PIK3R3: variants seen among roughly 807,000 people sequenced by gnomAD.
PIK3R3 encodes phosphoinositide-3-kinase regulatory subunit 3.
PIK3R3 carries 64 observed loss-of-function variants against 62.9 expected under a neutral mutation model. The ratio of observed to expected loss-of-function variants is 1.02; its 90% confidence interval spans 0.83 to 1.25. The LOEUF is 1.25. PIK3R3 is among the 50% of genes most tolerant of loss of function. The pLI, the probability that PIK3R3 is intolerant of heterozygous loss-of-function variation, is 0.00. For missense variants in PIK3R3, 614 were observed against 561.6 expected (o/e 1.09, Z -0.94); for synonymous variants, 165 against 189.0 (o/e 0.87, Z 1.04).
At chr1:46,127,153 G>A (rs1655162654) in intron 1 of PIK3R3, among the ~76,000 whole-genome samples, 1 of 151,810 alleles carries the variant, frequency 6.6e-6, no homozygotes, top group African/African-American at 2.4e-5. Context: ...TAGGCAACAT[G>A]GCAAAACCCT....
chr1:46,099,329 A>G (rs1652440493), intron 1 of PIK3R3, among the ~76,000 whole-genome samples: 1 of 152,216 alleles, frequency 6.6e-6, no homozygotes, highest in Non-Finnish European at 1.5e-5. Context: ...ACAATTTTTT[A>G]TATGACAGAA....
At position 46,046,562 on chromosome 1, in the gene PIK3R3, C is replaced by T; in HGVS notation, c.1005G>A (p.Glu335=). The change falls in exon 8 of 10, where the codon GAG becomes GAA. Residue 335 remains glutamate, a synonymous_variant. Coordinates refer to ENST00000262741, the MANE Select transcript of PIK3R3 (RefSeq NM_003629.4). ...RLNVWLGIKN[E]DADENYFINE... ...TAGAGAGAACTTACTCATCAGCATCCTCATTCTTAATTCCCAGCCAGACAT... is the reference window on the plus strand; with the variant it reads ...TAGAGAGAACTTACTCATCAGCATCTTCATTCTTAATTCCCAGCCAGACAT... The T allele has an allele frequency of 1.2e-6, 2 of 1,610,698 alleles. No individual in the cohort carries two copies. Among genetic ancestry groups the T allele is most frequent in the Non-Finnish European group, 1.7e-6 (2 of 1,176,880 alleles).
At chr1:46,101,524 A>G (rs557802916) in intron 1 of PIK3R3, among the ~76,000 whole-genome samples, 1 of 152,126 alleles carries the variant, frequency 6.6e-6, no homozygotes, top group African/African-American at 2.4e-5. Context: ...ACAAACAACA[A>G]CACAAAAAAA....
At chr1:46,072,724 A>G (rs1211783709) in intron 3 of PIK3R3, among the ~76,000 whole-genome samples, 1 of 152,050 alleles carries the variant, frequency 6.6e-6, no homozygotes, top group Non-Finnish European at 1.5e-5. Context: ...CCAAGGTGGG[A>G]GGATCACTTG....
rs190387287 is a variant in PIK3R3, at chr1:46,050,463, G to A, written c.942-3838C>T. ...GCCTATAATCCCAGCTACTCAGGAG[G>A]CTGAGGCAAGAGAATTGCTTGAACC... is the stretch of plus-strand genomic sequence containing the variant. On this transcript the variant is annotated intron_variant, in intron 7 of 9. Coordinates refer to ENST00000262741, the MANE Select transcript of PIK3R3 (RefSeq NM_003629.4). 1.4e-4 allele frequency among the ~76,000 whole-genome samples: 22 copies of A among 152,016 alleles called. No individual in the cohort carries two copies. The East Asian group carries it at 4.3e-3, about 30-fold the overall frequency.
chr1:46,144,780 A>C, the PIK3R3 span, among the ~76,000 whole-genome samples: 1 of 151,568 alleles, frequency 6.6e-6, no homozygotes, highest in East Asian at 1.9e-4. Context: ...AAAAAAAAAA[A>C]AACGACTCAA....
chr1:46,090,377 G>A (rs959786407), intron 1 of PIK3R3, among the ~76,000 whole-genome samples: 12 of 151,894 alleles, frequency 7.9e-5, no homozygotes, highest in Non-Finnish European at 1.5e-5. Flanking sequence ...TATTGCTCAG[G>A]ATGGAGTGCG....
intron 1 of PIK3R3, among the ~76,000 whole-genome samples, chr1:46,107,007 C>T (rs184273454): frequency 6.6e-6 from 1 of 152,052 alleles, no homozygotes; most frequent in Non-Finnish European, 1.5e-5. Context: ...ATGATCCACC[C>T]GCCTCAGCCT....
chr1:46,058,542 C>T (rs368091828), intron 6 of PIK3R3, among the ~76,000 whole-genome samples: 3 of 152,242 alleles, frequency 2.0e-5, no homozygotes, highest in Non-Finnish European at 2.9e-5. Context: ...TGCCCCAGAC[C>T]ATGGGAACCC....
At chr1:46,136,070 CT>C (rs571080588), upstream of PIK3R3, among the ~76,000 whole-genome samples, 1,991 of 124,166 alleles carry the variant, frequency 0.016, 13 homozygotes, top group African/African-American at 0.026. Context: ...TGGAAATATA[CT>C]TTTTTTTTTT....
At chr1:46,072,868 C>G (rs1015691785) in intron 3 of PIK3R3, among the ~76,000 whole-genome samples, 1 of 151,970 alleles carries the variant, frequency 6.6e-6, no homozygotes, top group Non-Finnish European at 1.5e-5. Flanking sequence ...GAGGCAGGAG[C>G]CTCAAGGCTT....
At chr1:46,060,645 T>C (rs930533753) in intron 6 of PIK3R3, among the ~76,000 whole-genome samples, 5 of 152,222 alleles carry the variant, frequency 3.3e-5, no homozygotes, top group Non-Finnish European at 7.3e-5. Context: ...TTTATACAGC[T>C]AATAAATGGC....
At chr1:46,126,900 T>C (rs892647600) in intron 1 of PIK3R3, among the ~76,000 whole-genome samples, 2 of 152,140 alleles carry the variant, frequency 1.3e-5, no homozygotes, top group African/African-American at 4.8e-5. Flanking sequence ...CCCTTTGAGG[T>C]CTTCTAATTT....
At chr1:46,140,865 G>GT in the PIK3R3 span, among the ~76,000 whole-genome samples, 4 of 151,348 alleles carry the variant, frequency 2.6e-5, no homozygotes, top group East Asian at 3.9e-4. Context: ...TTGTTTTTTT[G>GT]TTTTTTTGTT....
intron 1 of PIK3R3, among the ~76,000 whole-genome samples, chr1:46,127,025 A>C (rs2149475371): frequency 1.3e-5 from 2 of 152,162 alleles, no homozygotes; most frequent in South Asian, 4.2e-4. Flanking sequence ...TCTAAGGAAG[A>C]GACGTTGCTG....
chr1:46,087,225 C>A (rs1210809817), intron 1 of PIK3R3, among the ~76,000 whole-genome samples: 1 of 151,814 alleles, frequency 6.6e-6, no homozygotes, highest in African/African-American at 2.4e-5. Context: ...TGTAACAAAA[C>A]TGCACGTTGT....
intron 6 of PIK3R3, among the ~76,000 whole-genome samples, chr1:46,060,043 T>C (rs1461767841): frequency 1.3e-5 from 2 of 152,144 alleles, no homozygotes; most frequent in Non-Finnish European, 2.9e-5. Context: ...GAGGGTGCAG[T>C]GAGCCGAAAT....
the PIK3R3 span, among the ~76,000 whole-genome samples, chr1:46,157,591 T>C: frequency 2.1e-4 from 32 of 152,336 alleles, no homozygotes; most frequent in African/African-American, 7.0e-4. Flanking sequence ...ATCAGCCTTA[T>C]TCACTTTAAA....
At chr1:46,139,682 G>A in the PIK3R3 span, among the ~76,000 whole-genome samples, 5 of 152,158 alleles carry the variant, frequency 3.3e-5, no homozygotes, top group Middle Eastern at 6.8e-3. Flanking sequence ...CATCCTCCTC[G>A]TCTTTCCTCT....
Sources: allele counts gnomAD v4.1 joint callset (sites outside exome capture counted in the v4.1 genomes callset), GRCh38; gene constraint gnomAD v4.1.1; transcripts MANE v1.5; gene names NCBI Gene and HGNC (gene_info 2026-07-23, HGNC 2026-07-21).